Variants in TNC observed in about 807,000 individuals in gnomAD.
TNC encodes tenascin C.
In TNC, 109 loss-of-function variants were observed where a neutral mutation model predicts 202.4. The observed-to-expected ratio is 0.54, with a 90% confidence interval of 0.46 to 0.63. TNC has a LOEUF of 0.63. Ranked by LOEUF, TNC falls within the 30% of genes least tolerant of loss-of-function variation. TNC has a pLI of 0.00. For missense variants in TNC, 2,756 were observed against 2,833.3 expected (o/e 0.97, Z 0.62); for synonymous variants, 1,007 against 1,089.7 (o/e 0.92, Z 1.50).
chr9:115,045,562 TGCACA>T (rs1831117842), intron 17 of TNC, among the ~76,000 whole-genome samples: 3 of 142,512 alleles, frequency 2.1e-5, no homozygotes, highest in African/African-American at 5.5e-5. Flanking sequence ...TTTTTTTTTT[TGCACA>T]GGTAGGGTCT....
At chr9:115,085,741 T>C in intron 3 of TNC, 123 bp downstream of exon 3, 2 of 969,392 alleles carry the variant, frequency 2.1e-6, no homozygotes, top group South Asian at 1.7e-5. Flanking sequence ...TAAATGGATA[T>C]ATTAATACGT....
intron 15 of TNC, 118 bp downstream of exon 15, chr9:115,057,035 C>T (rs1020786795): frequency 3.2e-6 from 4 of 1,268,610 alleles, no homozygotes; most frequent in East Asian, 2.4e-5. Context: ...CAGCCTAGCA[C>T]CATGGAAGAG....
intron 6 of TNC, among the ~76,000 whole-genome samples, chr9:115,080,114 A>G (rs72760417): frequency 0.014 from 2,171 of 152,246 alleles, 24 homozygotes; most frequent in Non-Finnish European, 0.023. Flanking sequence ...TACAAAATGA[A>G]CAGGTAAATA....
rs12686047 is a variant in TNC, at chr9:115,034,106, A to T, written c.5787+1098T>A. ...TAAATGACTGCCCTTTCCCATTCAG[A>T]TGGTAGGCTGAGGTTTACTCTCTGG... On this transcript the variant is annotated intron_variant, in intron 22 of 27. Transcript: ENST00000350763. Among the ~76,000 whole-genome samples, 145 of 152,320 alleles carry T rather than the reference A, an allele frequency of 9.5e-4. No homozygotes were observed. In the East Asian group the frequency reaches 0.025, roughly 26 times the overall value.
intron 15 of TNC, among the ~76,000 whole-genome samples, chr9:115,053,705 G>T (rs780014507): frequency 6.6e-6 from 1 of 152,114 alleles, no homozygotes; most frequent in South Asian, 2.1e-4. Context: ...CAAATTAAAG[G>T]CTAATACCCA....
intron 1 of TNC, chr9:115,115,190 C>G (rs1224935609): frequency 6.6e-6 from 1 of 152,212 alleles, no homozygotes; most frequent in East Asian, 1.9e-4. Context: ...GTTTTTCATT[C>G]TGTCAGCTTG....
chr9:115,040,833 C>A, intron 19 of TNC, 108 bp downstream of exon 19: 1 of 1,386,108 alleles, frequency 7.2e-7, no homozygotes, highest in Admixed American at 2.7e-5. Flanking sequence ...TTTTTTCCAG[C>A]TGCTGAGTCA....
chr9:115,096,040 G>T (rs545628202), intron 1 of TNC, among the ~76,000 whole-genome samples: 3 of 151,936 alleles, frequency 2.0e-5, no homozygotes, highest in Non-Finnish European at 4.4e-5. Context: ...TGTATCTAAC[G>T]CAAAACAAGA....
At chr9:115,091,461 C>T (rs966879081) in intron 1 of TNC, among the ~76,000 whole-genome samples, 3 of 152,206 alleles carry the variant, frequency 2.0e-5, no homozygotes, top group East Asian at 1.9e-4. Context: ...CCCTTGGATA[C>T]GTTATGTAAT....
intron 1 of TNC, among the ~76,000 whole-genome samples, chr9:115,096,970 C>T (rs1835844311): frequency 6.6e-6 from 1 of 152,210 alleles, no homozygotes; most frequent in African/African-American, 2.4e-5. Flanking sequence ...TCTGCTTCAG[C>T]CTCTCCTTAG....
In TNC at chr9:115,087,240, C is replaced by A. The variant is rs763996904; in HGVS notation, c.491G>T (p.Arg164Leu). 6.2e-7 allele frequency: 1 copy of A among 1,614,132 alleles called. No individual in the cohort carries two copies. Among genetic ancestry groups the A allele is most frequent in the Non-Finnish European group, 8.5e-7 (1 of 1,180,004 alleles). Residue 164 changes from arginine to leucine, a missense_variant, in exon 3 of 28, where the codon CGG becomes CTG. This residue lies in a region of TNC where 2,559 missense variants were observed against 2,546.0 expected (regional missense o/e 1.01). Coordinates refer to ENST00000350763, the MANE Select transcript of TNC (RefSeq NM_002160.4). ...RLDTRPFCSG[R>L]GNFSTEGCGC... Reference sequence around the variant, plus strand: ...ACATCCTTCAGTGCTGAAGTTGCCCCGACCGCTACAGAAGGGCCTGGTGTC... The same window carrying A: ...ACATCCTTCAGTGCTGAAGTTGCCCAGACCGCTACAGAAGGGCCTGGTGTC...
intron 27 of TNC, among the ~76,000 whole-genome samples, 175 bp from the exon 28 acceptor site, chr9:115,021,442 TG>T (rs1829064035): frequency 6.6e-6 from 1 of 152,212 alleles, no homozygotes; most frequent in Non-Finnish European, 1.5e-5. Context: ...TCTGTTGGTC[TG>T]GGTTGTGGAA....
At chr9:115,031,513 G>A in intron 23 of TNC, 40 bp downstream of exon 23, 1 of 1,481,358 alleles carries the variant, frequency 6.8e-7, no homozygotes, top group East Asian at 2.6e-5. Context: ...TTCAGTCAAA[G>A]TTAGATCTCA....
chr9:115,027,100 C>T (rs1357386802), intron 25 of TNC, among the ~76,000 whole-genome samples: 1 of 132,570 alleles, frequency 7.5e-6, no homozygotes, highest in Non-Finnish European at 1.6e-5. Flanking sequence ...CAGAGCAAGA[C>T]TCCATCTCAG....
At chr9:115,029,544 A>C in intron 24 of TNC, 88 bp from the exon 25 acceptor site, 1 of 1,277,524 alleles carries the variant, frequency 7.8e-7, no homozygotes, top group Non-Finnish European at 1.1e-6. Flanking sequence ...GGCACTGTGG[A>C]GAGAGCATCA....
chr9:115,059,790 A>G lies in TNC; in HGVS notation c.4246T>C (p.Ser1416Pro), dbSNP rs1229649972. The G allele has an allele frequency of 6.2e-6, 10 of 1,613,996 alleles. No individual in the cohort carries two copies. Among genetic ancestry groups the G allele is most frequent in the Non-Finnish European group, 2.5e-6 (3 of 1,180,002 alleles). Residue 1416 changes from serine to proline, a missense_variant, in exon 14 of 28, where the codon TCC becomes CCC. This residue lies in a region of TNC where 2,559 missense variants were observed against 2,546.0 expected (regional missense o/e 1.01). Coordinates refer to ENST00000350763, the MANE Select transcript of TNC (RefSeq NM_002160.4). ...GLEAATPYRV[S>P]IYGVIRGYRT... ...TAGCCCCGGATCACCCCATAGATGG[A>G]GACTCTATAAGGCGTGGCAGCCTCG...
chr9:115,042,322 T>A lies in TNC; in HGVS notation c.5145A>T (p.Glu1715Asp). ...IATTAMGSPK[E>D]VIFSDITENS... ...TTTCAGTGATGTCTGAGAAAATGAC[T>A]TCCTTTGGGGAGCCCATGGCTGTCA... The change falls in exon 18 of 28, where the codon GAA becomes GAT. Residue 1715 changes from glutamate to aspartate, a missense_variant. Physicochemically the swap from Glu to Asp is conservative, Grantham distance 45. Coordinates refer to ENST00000350763, the MANE Select transcript of TNC (RefSeq NM_002160.4). The A allele has an allele frequency of 6.2e-7, 1 of 1,614,116 alleles. No homozygotes were observed. Among genetic ancestry groups the A allele is most frequent in the African/African-American group, 1.3e-5 (1 of 75,046 alleles).
chr9:115,052,649 G>A, intron 15 of TNC: 1 of 621,594 alleles, frequency 1.6e-6, no homozygotes, highest in East Asian at 2.7e-5. Flanking sequence ...CACATTTGCA[G>A]TGAAGATTGT....
At chr9:115,101,405 A>G (rs1971584) in intron 1 of TNC, among the ~76,000 whole-genome samples, 27,725 of 151,898 alleles carry the variant, frequency 0.18, 2,915 homozygotes, top group African/African-American at 0.3. Context: ...TAGAGACAGG[A>G]TTTCATCATG....
Sources: allele counts gnomAD v4.1 joint callset (sites outside exome capture counted in the v4.1 genomes callset), GRCh38; gene constraint gnomAD v4.1.1; regional missense constraint gnomAD v4.1.1; transcripts MANE v1.5; gene names NCBI Gene and HGNC (gene_info 2026-07-23, HGNC 2026-07-21).